PLAC1: variants seen among roughly 807,000 people sequenced by gnomAD.
PLAC1 encodes the protein placenta-specific protein 1.
For missense variants in PLAC1, 136 were observed against 163.2 expected (o/e 0.83, Z 0.91); for synonymous variants, 68 against 62.1 (o/e 1.09, Z -0.44).
At chrX:134,759,516 T>C (rs1436663653) in intron 1 of PLAC1, among the ~76,000 whole-genome samples, 1 of 110,890 alleles carries the variant, frequency 9.0e-6, no homozygotes, top group Non-Finnish European at 1.9e-5. Flanking sequence ...AGTATGGAGA[T>C]TTCTCAAAAA....
At position 134,621,205 on chromosome X, in the gene PLAC1, G is replaced by A. The variant is rs1340363592; in HGVS notation, c.-130-19083C>T. ...TCATGCCTGTAATCCCAGCACTTTG[G>A]GAGGCTGAGTCTGGCGGATCACTTA... is the stretch of plus-strand genomic sequence containing the variant. On this transcript the variant is annotated intron_variant, in intron 1 of 2. Coordinates refer to ENST00000359237, the MANE Select transcript of PLAC1 (RefSeq NM_021796.4). Among the ~76,000 whole-genome samples, 4 of 110,415 alleles carry A rather than the reference G, an allele frequency of 3.6e-5. 1 individual carries two copies. Among genetic ancestry groups the A allele is most frequent in the African/African-American group, 1.3e-4 (4 of 30,295 alleles).
chrX:134,677,479 G>C (rs1602900569), intron 2 of PLAC1, among the ~76,000 whole-genome samples: 1 of 111,962 alleles, frequency 8.9e-6, no homozygotes, highest in South Asian at 3.8e-4. Context: ...TTTCATGAGG[G>C]TAATCAGGGA....
intron 2 of PLAC1, among the ~76,000 whole-genome samples, chrX:134,730,078 A>C (rs1289434308): frequency 8.9e-6 from 1 of 111,997 alleles, no homozygotes; most frequent in Non-Finnish European, 1.9e-5. Context: ...GATGTGAGCC[A>C]TCACACCTGG....
At chrX:134,650,995 G>T in intron 1 of PLAC1, 1 of 245,361 alleles carries the variant, frequency 4.1e-6, no homozygotes, top group Non-Finnish European at 8.5e-6. Flanking sequence ...GTTGGTGGTA[G>T]TCAGAAAGCT....
rs143449759 is a variant in PLAC1, at chrX:134,671,936, G to A, written n.174+61499C>T. On this transcript the variant is annotated intron_variant and non_coding_transcript_variant, in intron 2 of 2. Transcript: ENST00000466797. ...TGGGCACCACAAACCCATGGGCAAAGGCATACAGAGTGATAGAGCTGGGTG... is the reference window on the plus strand; with the variant it reads ...TGGGCACCACAAACCCATGGGCAAAAGCATACAGAGTGATAGAGCTGGGTG... Among the ~76,000 whole-genome samples the A allele has an allele frequency of 8.4e-3, 933 of 111,689 alleles. 16 individuals are homozygous for A. The highest frequency in any genetic ancestry group is 0.029 in the African/African-American group (901 of 30,660).
intron 1 of PLAC1, among the ~76,000 whole-genome samples, chrX:134,759,401 G>A (rs771951706): frequency 3.6e-5 from 4 of 111,217 alleles, no homozygotes; most frequent in Middle Eastern, 4.6e-3. Flanking sequence ...CACCCGCCTC[G>A]GCCTCCCAAA....
intron 2 of PLAC1, among the ~76,000 whole-genome samples, chrX:134,578,733 T>C (rs1377020556): frequency 9.3e-6 from 1 of 107,947 alleles, no homozygotes; most frequent in African/African-American, 3.4e-5. Context: ...GGGGTTCATG[T>C]GATGCCTGTC....
chrX:134,614,816 CT>C (rs768384971), intron 1 of PLAC1, among the ~76,000 whole-genome samples: 2 of 109,034 alleles, frequency 1.8e-5, no homozygotes, highest in Non-Finnish European at 3.8e-5. Flanking sequence ...TTTTCTTTTT[CT>C]TTTTTTTTAC....
Position 134,631,830 on chromosome X carries a change from A to T in PLAC1, c.-131+26498T>A, listed in dbSNP as rs746716099. Among the ~76,000 whole-genome samples, 9 of 112,074 alleles carry T rather than the reference A, an allele frequency of 8.0e-5. No homozygotes were observed. The East Asian group carries it at 2.5e-3, about 31-fold the overall frequency. On this transcript the variant is annotated intron_variant, in intron 1 of 2. Coordinates refer to ENST00000359237, the MANE Select transcript of PLAC1 (RefSeq NM_021796.4). ...CGGGCTTTAACGTTGCAGCTGGCAG[A>T]CAGCTGTGGCCTCACAGTGTTTACA...
intron 2 of PLAC1, among the ~76,000 whole-genome samples, chrX:134,585,796 G>A (rs1157069334): frequency 2.7e-5 from 3 of 111,204 alleles, no homozygotes; most frequent in Non-Finnish European, 5.7e-5. Context: ...CTGCCCCTGG[G>A]TTGAATTCTC....
chrX:134,602,563 A>T (rs1287281773), intron 1 of PLAC1, among the ~76,000 whole-genome samples: 1 of 112,460 alleles, frequency 8.9e-6, no homozygotes. Context: ...AAATAATGCT[A>T]TCAAACTGGA....
At chrX:134,586,569 G>A (rs780140741) in intron 2 of PLAC1, among the ~76,000 whole-genome samples, 1 of 110,946 alleles carries the variant, frequency 9.0e-6, no homozygotes, top group South Asian at 3.9e-4. Context: ...GCAGAGGGCA[G>A]CTAGGCCCCT....
At chrX:134,658,216 C>T (rs762370025) in intron 1 of PLAC1, 112 bp downstream of exon 1, 36 of 112,683 alleles carry the variant, frequency 3.2e-4, no homozygotes, top group African/African-American at 1.1e-3. Flanking sequence ...AATCGTCATA[C>T]ACCATGCTGG....
At chrX:134,677,843 T>C (rs1300011863) in intron 2 of PLAC1, among the ~76,000 whole-genome samples, 1 of 111,465 alleles carries the variant, frequency 9.0e-6, no homozygotes, top group Non-Finnish European at 1.9e-5. Context: ...GGGAGACCAG[T>C]TGGGAGGCTA....
intron 2 of PLAC1, among the ~76,000 whole-genome samples, chrX:134,725,401 T>C (rs2078670885): frequency 9.0e-6 from 1 of 110,784 alleles, no homozygotes; most frequent in Admixed American, 9.6e-5. Context: ...TGTAGGGAAG[T>C]AGTTCTCCAG....
Position 134,640,385 on chromosome X carries a change from T to C in PLAC1, c.-131+17943A>G, listed in dbSNP as rs761405673. ...ATCATCAGGGACTCAAGCATTTCCCTGAGATTGGCTCCTATGAAAGTTACT... is the reference window on the plus strand; with the variant it reads ...ATCATCAGGGACTCAAGCATTTCCCCGAGATTGGCTCCTATGAAAGTTACT... On this transcript the variant is annotated intron_variant, in intron 1 of 2. Coordinates refer to ENST00000359237, the MANE Select transcript of PLAC1 (RefSeq NM_021796.4). 2.7e-5 allele frequency among the ~76,000 whole-genome samples: 3 copies of C among 111,483 alleles called. No individual in the cohort carries two copies. In the Admixed American group the frequency reaches 2.9e-4, roughly 11 times the overall value.
chrX:134,664,892 G>A (rs146898522), intron 2 of PLAC1, among the ~76,000 whole-genome samples: 254 of 111,693 alleles, frequency 2.3e-3, no homozygotes, highest in Middle Eastern at 9.2e-3. Context: ...TGGGGCCATA[G>A]GAGATTTTTT....
At chrX:134,763,820 AAAAAAAAG>A (rs2078776855) in intron 1 of PLAC1, among the ~76,000 whole-genome samples, 1 of 55,235 alleles carries the variant, frequency 1.8e-5, no homozygotes, top group African/African-American at 6.4e-5. Context: ...AAACTCCGAA[AAAAAAAAG>A]AAAGAAAGAA....
chrX:134,758,972 G>C (rs2078763389), intron 1 of PLAC1, among the ~76,000 whole-genome samples: 2 of 111,377 alleles, frequency 1.8e-5, no homozygotes, highest in Admixed American at 9.6e-5. Context: ...GACATGAATA[G>C]ACATTTCTTA....
Sources: allele counts gnomAD v4.1 joint callset (sites outside exome capture counted in the v4.1 genomes callset), GRCh38; gene constraint gnomAD v4.1.1; transcripts MANE v1.5; gene names NCBI Gene and HGNC (gene_info 2026-07-23, HGNC 2026-07-21).